Variants in MIP observed in about 807,000 individuals in gnomAD.
MIP encodes the protein major intrinsic protein of lens fiber, also known as lens fiber major intrinsic protein.
MIP carries 14 observed loss-of-function variants against 21.8 expected under a neutral mutation model. The observed-to-expected ratio is 0.64, with a 90% CI of 0.42 to 1.00. MIP has a LOEUF of 1.00. Among genes scored for constraint, MIP ranks in the 50% least tolerant of loss-of-function variants. MIP has a pLI of 0.00. For synonymous variants in MIP, 133 were observed against 141.4 expected (o/e 0.94, Z 0.42); for missense variants, 260 against 333.5 (o/e 0.78, Z 1.72).
chr12:56,454,270 T>C lies in MIP; in HGVS notation c.344A>G (p.Asn115Ser). The C allele has an allele frequency of 6.2e-7, 1 of 1,614,008 alleles. No individual in the cohort carries two copies. Among genetic ancestry groups the C allele is most frequent in the Non-Finnish European group, 8.5e-7 (1 of 1,179,998 alleles). The change falls in exon 1 of 4, where the codon AAC becomes AGC. Residue 115 changes from asparagine to serine, a missense_variant. By Grantham distance (46) the Asn-to-Ser change is conservative. Coordinates refer to ENST00000652304, the MANE Select transcript of MIP (RefSeq NM_012064.4). Reference sequence around the variant, plus strand: ...AACCATTACCGTGTTGAGTGCTAGGTTTCCTCGGACAGCAGGTGGGGTAAC... The same window carrying C: ...AACCATTACCGTGTTGAGTGCTAGGCTTCCTCGGACAGCAGGTGGGGTAAC... ...YSVTPPAVRG[N>S]LALNTLHPAV...
rs1868596981 is a variant in MIP, at chr12:56,451,173, AAAG to A, written c.*104_*106del. 3.3e-6 allele frequency: 3 copies of A among 910,314 alleles called. No homozygotes were observed. In the East Asian group the frequency reaches 7.3e-5, roughly 22 times the overall value. The allele number at this position is 910,314 out of a possible 1,614,324, so 56.4% of individuals were successfully genotyped here. Reference sequence around the variant, plus strand: ...CAACCACATACATAAGTTAAAAAATAAAGAAGTACATGACCCTCCCCACAGTCT... The same window carrying A: ...CAACCACATACATAAGTTAAAAAATAAAGTACATGACCCTCCCCACAGTCT... On this transcript the variant is annotated 3_prime_UTR_variant, in exon 4 of 4. Coordinates refer to ENST00000652304, the MANE Select transcript of MIP (RefSeq NM_012064.4).
At chr12:56,452,914 T>C in intron 3 of MIP, 158 bp downstream of exon 3, 1 of 697,692 alleles carries the variant, frequency 1.4e-6, no homozygotes, top group South Asian at 1.5e-5. Flanking sequence ...TCATGAATCC[T>C]GCTCACACAG....
At position 56,451,357 on chromosome 12, in the gene MIP, C is replaced by A; in HGVS notation, c.715G>T (p.Gly239Cys). 1 of 1,613,968 alleles carries A rather than the reference C, an allele frequency of 6.2e-7. No homozygotes were observed. The highest frequency in any genetic ancestry group is 1.1e-5 in the South Asian group (1 of 91,068). Residue 239 changes from glycine (G) to cysteine (C), a missense_variant, in exon 4 of 4, where the codon GGT becomes TGT. Coordinates refer to ENST00000652304, the MANE Select transcript of MIP (RefSeq NM_012064.4). ...CCATTGGAGACATCGGGTTTGGCAC[C>A]CTTGAGGACAGACAGTCTCTCAGAA... ...SISERLSVLKGAKPDVSNGQP... is the reference protein window; with the variant it reads ...SISERLSVLKCAKPDVSNGQP...
Position 56,450,063 on chromosome 12 carries a change from C to A in MIP, c.*1217G>T, listed in dbSNP as rs1426083967. 1 of 150,370 alleles carries A rather than the reference C, an allele frequency of 6.7e-6. No individual in the cohort carries two copies. Among genetic ancestry groups the A allele is most frequent in the Non-Finnish European group, 1.5e-5 (1 of 67,678 alleles). 9.3% of individuals were successfully genotyped at this position (150,370 alleles called of 1,614,324 possible). ...TCTCAAAAAAAAAAAGAAGATAGGG[C>A]TCAAACAAATAATAATCTCCTGAAT... On this transcript the variant is annotated 3_prime_UTR_variant, in exon 4 of 4. Transcript: ENST00000652304.
intron 3 of MIP, 40 bp downstream of exon 3, chr12:56,453,032 C>A: frequency 7.2e-7 from 1 of 1,391,994 alleles, no homozygotes; most frequent in East Asian, 2.3e-5. Flanking sequence ...CACAACCATC[C>A]AGAAGGGCTT....
In MIP at chr12:56,454,602, C is replaced by T. The variant is rs1257134037; in HGVS notation, c.12G>A (p.Leu4=). 3.1e-6 allele frequency: 5 copies of T among 1,613,916 alleles called. No individual in the cohort carries two copies. The Admixed American group carries it at 8.3e-5, about 27-fold the overall frequency. Residue 4 remains leucine (L), a synonymous_variant, in exon 1 of 4, where the codon CTG becomes CTA. Transcript: ENST00000652304. The stretch of plus-strand genomic sequence containing the variant: ...TGGCCCTCCAAAAGGAGGCTGATCG[C>T]AGTTCCCACATGGCAGGGGGGATGG... MWE[L]RSASFWRAIF...
upstream of MIP, chr12:56,454,764 G>T: frequency 2.3e-6 from 2 of 872,128 alleles, no homozygotes; most frequent in Non-Finnish European, 3.5e-6. Flanking sequence ...GCTGTGGAGG[G>T]CTAAGTCCCC....
Position 56,450,047 on chromosome 12 carries a change from A to AT in MIP, c.*1232_*1233insA, listed in dbSNP as rs1265250693. On this transcript the variant is annotated 3_prime_UTR_variant, in exon 4 of 4. Coordinates refer to ENST00000652304, the MANE Select transcript of MIP (RefSeq NM_012064.4). ...ACATAGTAAGACCCCCTCTCAAAAA[A>AT]AAAAAGAAGATAGGGCTCAAACAAA... 2 of 151,558 alleles carry AT rather than the reference A, an allele frequency of 1.3e-5. No individual in the cohort carries two copies. Among genetic ancestry groups the AT allele is most frequent in the East Asian group, 3.9e-4 (2 of 5,164 alleles). 9.4% of individuals were successfully genotyped at this position (151,558 alleles called of 1,614,324 possible). A position where few individuals can be genotyped will look rare whatever the true frequency, so the allele number is the denominator to read the frequency against.
rs1160091612 is a variant in MIP, at chr12:56,450,070, A to T, written c.*1210T>A. 2 of 152,146 alleles carry T rather than the reference A, an allele frequency of 1.3e-5. No individual in the cohort carries two copies. Among genetic ancestry groups the T allele is most frequent in the South Asian group, 4.1e-4 (2 of 4,826 alleles). 9.4% of individuals were successfully genotyped at this position (152,146 alleles called of 1,614,324 possible). On this transcript the variant is annotated 3_prime_UTR_variant, in exon 4 of 4. Coordinates refer to ENST00000652304, the MANE Select transcript of MIP (RefSeq NM_012064.4). Reference sequence around the variant, plus strand: ...AAAAAAAAGAAGATAGGGCTCAAACAAATAATAATCTCCTGAATTATTAAG... The same window carrying T: ...AAAAAAAAGAAGATAGGGCTCAAACTAATAATAATCTCCTGAATTATTAAG...
chr12:56,451,601 A>G, intron 3 of MIP, 136 bp from the exon 4 acceptor site: 1 of 697,472 alleles, frequency 1.4e-6, no homozygotes, highest in Non-Finnish European at 2.5e-6. Flanking sequence ...TTATTTTCTG[A>G]TTCATCAAAT....
In MIP at chr12:56,453,136, G is replaced by C. The variant is rs1868671846; in HGVS notation, c.542C>G (p.Ala181Gly). 6.2e-7 allele frequency: 1 copy of C among 1,612,802 alleles called. No homozygotes were observed. The highest frequency in any genetic ancestry group is 8.5e-7 in the Non-Finnish European group (1 of 1,178,790). ...AAAGGAGCGGGCAGGATTCATGCCT[G>C]CACCAGTATAATACATCTGCAAAAG... is the stretch of plus-strand genomic sequence containing the variant. ...GHLFGMYYTG[A>G]GMNPARSFAP... The change falls in exon 3 of 4, where the codon GCA becomes GGA. Residue 181 changes from alanine (A) to glycine (G), a missense_variant. By Grantham distance (60) the Ala-to-Gly change is moderately conservative (BLOSUM62 0). Coordinates refer to ENST00000652304, the MANE Select transcript of MIP (RefSeq NM_012064.4).
rs990824158 is a variant in MIP, at chr12:56,450,574, G to A, written c.*706C>T. The A allele has an allele frequency of 2.6e-5, 4 of 152,432 alleles. No homozygotes were observed. Among genetic ancestry groups the A allele is most frequent in the Non-Finnish European group, 5.9e-5 (4 of 68,236 alleles). The allele number at this position is 152,432 out of a possible 1,614,324, so 9.4% of individuals were successfully genotyped here. The stretch of plus-strand genomic sequence containing the variant: ...AGCCAGCGGATGTAGACAGGTTTAC[G>A]TGGCTTTACAGAACAGCTAAATCCT... On this transcript the variant is annotated 3_prime_UTR_variant, in exon 4 of 4. Coordinates refer to ENST00000652304, the MANE Select transcript of MIP (RefSeq NM_012064.4).
At chr12:56,454,717 G>T, upstream of MIP, 1 of 1,461,282 alleles carries the variant, frequency 6.8e-7, no homozygotes, top group Non-Finnish European at 9.4e-7. Flanking sequence ...GGAGGGGCAG[G>T]CTGAGGTAGC....
chr12:56,456,144 C>T (rs1868784113), upstream of MIP, among the ~76,000 whole-genome samples: 1 of 152,144 alleles, frequency 6.6e-6, no homozygotes, highest in African/African-American at 2.4e-5. Flanking sequence ...TGACTTAAGG[C>T]CCTGTAACCC....
Position 56,454,617 on chromosome 12 carries a change from A to G in MIP, c.-4T>C, listed in dbSNP as rs117788190. The G allele has an allele frequency of 1.6e-3, 2,645 of 1,613,744 alleles. 62 individuals carry two copies. In the East Asian group the frequency reaches 0.046, roughly 28 times the overall value. Reference sequence around the variant, plus strand: ...AGGCTGATCGCAGTTCCCACATGGCAGGGGGGATGGTCACAGTGCCTGGGT... The same window carrying G: ...AGGCTGATCGCAGTTCCCACATGGCGGGGGGGATGGTCACAGTGCCTGGGT... On this transcript the variant is annotated 5_prime_UTR_variant, in exon 1 of 4. Coordinates refer to ENST00000652304, the MANE Select transcript of MIP (RefSeq NM_012064.4).
upstream of MIP, among the ~76,000 whole-genome samples, chr12:56,455,683 G>A (rs184217434): frequency 1.9e-4 from 29 of 152,222 alleles, no homozygotes; most frequent in East Asian, 2.1e-3. Context: ...AGTTGTGCTC[G>A]GGCTTGGTGA....
At chr12:56,451,546 G>T in intron 3 of MIP, 81 bp from the exon 4 acceptor site, 1 of 1,205,878 alleles carries the variant, frequency 8.3e-7, no homozygotes, top group Non-Finnish European at 1.2e-6. Context: ...CACCTTAGTG[G>T]AAAACAAGAT....
At chr12:56,455,748 C>T (rs1868773122), upstream of MIP, among the ~76,000 whole-genome samples, 1 of 152,116 alleles carries the variant, frequency 6.6e-6, no homozygotes, top group African/African-American at 2.4e-5. Flanking sequence ...TAGAATGGGA[C>T]ATACTGATAG....
intron 3 of MIP, among the ~76,000 whole-genome samples, chr12:56,451,827 A>T (rs1868630128): frequency 6.6e-6 from 1 of 152,214 alleles, no homozygotes; most frequent in Non-Finnish European, 1.5e-5. Context: ...GCGGATCACA[A>T]GGTCAGCCAT....
Sources: gnomAD v4.1 joint callset for allele counts (sites outside exome capture counted in the v4.1 genomes callset) on GRCh38, gnomAD v4.1.1 for gene constraint, MANE v1.5 for transcripts, NCBI Gene and HGNC (gene_info 2026-07-23, HGNC 2026-07-21) for gene names.